The following PRKCZ variants were observed in gnomAD, a reference collection of about 807,000 sequenced individuals.
The protein encoded by PRKCZ is protein kinase C zeta.
PRKCZ carries 33 observed loss-of-function variants against 79.5 expected under a neutral mutation model. The ratio of observed to expected loss-of-function variants is 0.41; its 90% CI spans 0.31 to 0.55. The LOEUF (loss-of-function observed/expected upper bound fraction) is 0.55. Among genes scored for constraint, PRKCZ ranks in the 20% least tolerant of loss-of-function variants. The pLI, the probability that PRKCZ is intolerant of heterozygous loss-of-function variation, is 0.19. For missense variants in PRKCZ, 578 were observed against 813.5 expected (o/e 0.71, Z 3.52); for synonymous variants, 342 against 320.9 (o/e 1.07, Z -0.70).
chr1:2,123,799 T>C (rs376507027), intron 4 of PRKCZ, among the ~76,000 whole-genome samples: 1 of 1,442 alleles, frequency 6.9e-4, no homozygotes, highest in African/African-American at 3.2e-3. Context: ...TGGTTAGGGT[T>C]GTGGTGGTTA....
intron 4 of PRKCZ, among the ~76,000 whole-genome samples, chr1:2,134,403 G>A (rs186306493): frequency 1.6e-4 from 25 of 152,274 alleles, no homozygotes; most frequent in Admixed American, 6.5e-4. Flanking sequence ...TTTTATAAAA[G>A]CACAAAGCTT....
At chr1:2,097,697 G>A (rs1332730023) in intron 4 of PRKCZ, among the ~76,000 whole-genome samples, 2 of 151,912 alleles carry the variant, frequency 1.3e-5, no homozygotes, top group South Asian at 2.1e-4. Context: ...GGTGGGGCCC[G>A]TGCCAGGGGG....
At chr1:2,155,633 T>G (rs1353396762) in intron 9 of PRKCZ, among the ~76,000 whole-genome samples, 1 of 145,326 alleles carries the variant, frequency 6.9e-6, no homozygotes, top group Non-Finnish European at 1.5e-5. Context: ...ACAGTGGTGG[T>G]GAAGGTGATG....
At chr1:2,071,290 C>T (rs774429001) in intron 4 of PRKCZ, 2 of 429,416 alleles carry the variant, frequency 4.7e-6, no homozygotes, top group South Asian at 3.3e-5. Flanking sequence ...TGCCGTCTCT[C>T]CCACCCAGGG....
chr1:2,060,082 C>T (rs965345206), intron 4 of PRKCZ, among the ~76,000 whole-genome samples: 8 of 152,230 alleles, frequency 5.3e-5, no homozygotes, highest in East Asian at 1.9e-4. Flanking sequence ...TACTGCATCC[C>T]GGAGACTGTT....
chr1:2,073,835 A>G, intron 4 of PRKCZ: 1 of 1,046,092 alleles, frequency 9.6e-7, no homozygotes, highest in African/African-American at 1.7e-5. Flanking sequence ...CCGACGCAGC[A>G]TCAGCTCGTC....
In PRKCZ at chr1:2,174,341, C is replaced by G. The variant is rs57594650; in HGVS notation, c.1405+325C>G. 1.4e-3 allele frequency among the ~76,000 whole-genome samples: 206 copies of G among 152,340 alleles called. No individual in the cohort carries two copies. The highest frequency in any genetic ancestry group is 4.8e-3 in the African/African-American group (201 of 41,582). On this transcript the variant is annotated intron_variant, in intron 14 of 17. Transcript: ENST00000378567. This position sits in a 1 kb window ranked among gnomAD's most constrained non-coding sequence, Gnocchi z 6.2. ...CGAGCTGAAAGCACAGCCCCCACCC[C>G]CAAAACCCACAGCCACCATCATGGG... is the stretch of plus-strand genomic sequence containing the variant.
At chr1:2,130,331 A>G (rs1001201160) in intron 4 of PRKCZ, among the ~76,000 whole-genome samples, 2 of 152,212 alleles carry the variant, frequency 1.3e-5, no homozygotes, top group African/African-American at 4.8e-5. Flanking sequence ...CACTGAGGCA[A>G]GACCCAGATG....
At chr1:2,133,371 T>C (rs1327477940) in intron 4 of PRKCZ, among the ~76,000 whole-genome samples, 4 of 118,742 alleles carry the variant, frequency 3.4e-5, no homozygotes, top group Admixed American at 8.3e-5. Flanking sequence ...CTCCGCCCCC[T>C]CGGCTGTGCG....
At chr1:2,085,276 G>A (rs1481958534) in intron 4 of PRKCZ, among the ~76,000 whole-genome samples, 1 of 152,244 alleles carries the variant, frequency 6.6e-6, no homozygotes, top group Non-Finnish European at 1.5e-5. Flanking sequence ...TGGCGTGGGC[G>A]TGAAGCTGGT....
chr1:2,078,844 C>CTTT (rs35626021), intron 4 of PRKCZ, among the ~76,000 whole-genome samples: 3 of 134,034 alleles, frequency 2.2e-5, no homozygotes, highest in Non-Finnish European at 3.2e-5. Flanking sequence ...CTGAAGGTGG[C>CTTT]TTTTTTTTTT....
At chr1:2,072,000 A>G (rs1661638369) in intron 4 of PRKCZ, among the ~76,000 whole-genome samples, 1 of 152,228 alleles carries the variant, frequency 6.6e-6, no homozygotes, top group Non-Finnish European at 1.5e-5. Flanking sequence ...TTTTCATTTT[A>G]TTCAGCCAAT....
intron 4 of PRKCZ, among the ~76,000 whole-genome samples, chr1:2,109,213 C>A (rs942597604): frequency 4.6e-5 from 7 of 152,228 alleles, no homozygotes; most frequent in African/African-American, 1.7e-4. Context: ...TTTTGCACAG[C>A]TGACCATGGG....
chr1:2,181,550 C>T (rs1158434018), intron 16 of PRKCZ, among the ~76,000 whole-genome samples: 1 of 152,208 alleles, frequency 6.6e-6, no homozygotes, highest in Non-Finnish European at 1.5e-5. Flanking sequence ...TGGGTCCCGA[C>T]CTGGAGCCCA....
chr1:2,087,358 T>C (rs962966542), intron 4 of PRKCZ, among the ~76,000 whole-genome samples: 1 of 152,088 alleles, frequency 6.6e-6, no homozygotes, highest in African/African-American at 2.4e-5. Flanking sequence ...GCTGAGATTA[T>C]AGGTGTGAGC....
At chr1:2,181,552 T>G (rs1455584232) in intron 16 of PRKCZ, among the ~76,000 whole-genome samples, 1 of 152,224 alleles carries the variant, frequency 6.6e-6, no homozygotes, top group Admixed American at 6.5e-5. Flanking sequence ...GGTCCCGACC[T>G]GGAGCCCACG....
chr1:2,119,597 A>G (rs369748445), intron 4 of PRKCZ, among the ~76,000 whole-genome samples: 12 of 152,230 alleles, frequency 7.9e-5, no homozygotes, highest in African/African-American at 2.6e-4. Context: ...TGTAAATTCT[A>G]CGTGTATTTC....
At chr1:2,183,111 C>T (rs1195468624) in intron 16 of PRKCZ, among the ~76,000 whole-genome samples, 1 of 152,150 alleles carries the variant, frequency 6.6e-6, no homozygotes, top group Non-Finnish European at 1.5e-5. Flanking sequence ...GGCGCCTGTA[C>T]TCCCAGCTAC....
intron 1 of PRKCZ, among the ~76,000 whole-genome samples, chr1:2,053,009 C>T (rs552210965): frequency 1.3e-5 from 2 of 152,274 alleles, no homozygotes; most frequent in East Asian, 1.9e-4. Context: ...CCTGTGTTTT[C>T]AGGGAGTCCC....
Sources: gnomAD v4.1 joint callset for allele counts (sites outside exome capture counted in the v4.1 genomes callset) on GRCh38, gnomAD v4.1.1 for gene constraint, Gnocchi (gnomAD v3.1) non-coding constraint, MANE v1.5 for transcripts, NCBI Gene and HGNC (gene_info 2026-07-23, HGNC 2026-07-21) for gene names.